LRFN2: variants seen among roughly 807,000 people sequenced by gnomAD.
The protein encoded by LRFN2 is leucine rich repeat and fibronectin type III domain containing 2.
A neutral mutation model predicts 37.3 loss-of-function variants in LRFN2; 18 were observed. That is an observed-to-expected ratio of 0.48 (90% CI 0.33 to 0.72). LRFN2 has a LOEUF of 0.72. LRFN2 is among the 30% of genes least tolerant of loss of function. LRFN2 has a pLI of 0.02. For synonymous variants in LRFN2, 556 were observed against 466.6 expected, an observed-to-expected ratio of 1.19 and a Z score of -2.47; for missense variants, 1,006 against 1,060.7, an observed-to-expected ratio of 0.95 and a Z score of 0.72.
intron 1 of LRFN2, among the ~76,000 whole-genome samples, chr6:40,438,612 G>A (rs893960303): frequency 6.6e-6 from 1 of 152,224 alleles, no homozygotes; most frequent in African/African-American, 2.4e-5. Flanking sequence ...CCCCTCTGGA[G>A]GCTTCCATGT....
intron 1 of LRFN2, among the ~76,000 whole-genome samples, chr6:40,436,039 T>A (rs1025708108): frequency 6.6e-6 from 1 of 152,162 alleles, no homozygotes; most frequent in Non-Finnish European, 1.5e-5. Context: ...CCATATTTTT[T>A]AAAAAAGTAA....
At chr6:40,487,365 A>G (rs1228238212) in intron 1 of LRFN2, among the ~76,000 whole-genome samples, 6 of 152,004 alleles carry the variant, frequency 3.9e-5, no homozygotes. Flanking sequence ...TCACCATTTG[A>G]CTCTCACTGA....
chr6:40,484,445 G>A (rs1004207760), intron 1 of LRFN2, among the ~76,000 whole-genome samples: 6 of 152,194 alleles, frequency 3.9e-5, no homozygotes, highest in African/African-American at 7.2e-5. Flanking sequence ...GGCCTAGGCC[G>A]GTGCCTCTCT....
intron 2 of LRFN2, among the ~76,000 whole-genome samples, chr6:40,420,730 T>A (rs1309660596): frequency 2.0e-5 from 3 of 152,230 alleles, no homozygotes. Context: ...TACAATAAGC[T>A]AGCAGCAAAA....
At chr6:40,459,354 G>A (rs1345094665) in intron 1 of LRFN2, among the ~76,000 whole-genome samples, 1 of 152,236 alleles carries the variant, frequency 6.6e-6, no homozygotes, top group Non-Finnish European at 1.5e-5. Flanking sequence ...GGGACGATGT[G>A]TTCCCCTGGT....
Position 40,432,762 on chromosome 6 carries a change from C to G in LRFN2, c.352G>C (p.Asp118His), listed in dbSNP as rs774122053. 15 of 1,614,066 alleles carry G rather than the reference C, an allele frequency of 9.3e-6. No individual in the cohort carries two copies. The highest frequency in any genetic ancestry group is 1.3e-5 in the Non-Finnish European group (15 of 1,180,042). ...DSNRLPSLGE[D>H]TLRGLVNLQH... ...AGGTTGACCAGGCCCCGGAGGGTGTCCTCCCCAAGGCTTGGCAGCCGATTG... is the reference window on the plus strand; with the variant it reads ...AGGTTGACCAGGCCCCGGAGGGTGTGCTCCCCAAGGCTTGGCAGCCGATTG... The change falls in exon 2 of 3, where the codon GAC becomes CAC. Residue 118 changes from aspartate to histidine, a missense_variant. Asp to His is a moderately conservative substitution (Grantham distance 81). This residue lies in a region of LRFN2 where 185 missense variants were observed against 254.9 expected (regional missense o/e 0.73). Transcript: ENST00000338305.
chr6:40,584,178 C>T (rs1055588621), intron 1 of LRFN2, among the ~76,000 whole-genome samples: 14 of 152,306 alleles, frequency 9.2e-5, no homozygotes, highest in African/African-American at 2.4e-4. Flanking sequence ...CTGTACTATC[C>T]TCCATGTCTC....
At chr6:40,525,719 A>G (rs1766233688) in intron 1 of LRFN2, among the ~76,000 whole-genome samples, 1 of 152,046 alleles carries the variant, frequency 6.6e-6, no homozygotes, top group Non-Finnish European at 1.5e-5. Context: ...CCCTTAGGTC[A>G]GTTGACCCAT....
chr6:40,506,077 G>T (rs1324304495), intron 1 of LRFN2, among the ~76,000 whole-genome samples: 2 of 152,240 alleles, frequency 1.3e-5, no homozygotes, highest in Non-Finnish European at 2.9e-5. Flanking sequence ...GCTTGGAACT[G>T]TCACCATTTC....
At chr6:40,418,960 C>CAGCA (rs1418321897) in intron 2 of LRFN2, among the ~76,000 whole-genome samples, 2 of 152,176 alleles carry the variant, frequency 1.3e-5, no homozygotes, top group African/African-American at 4.8e-5. Context: ...GTCCCAAGAC[C>CAGCA]AGCAGCATCA....
chr6:40,444,849 C>T (rs1165239859), intron 1 of LRFN2, among the ~76,000 whole-genome samples: 1 of 152,110 alleles, frequency 6.6e-6, no homozygotes, highest in East Asian at 1.9e-4. Context: ...TTCTTTTTTC[C>T]TGCTTTGCAA....
chr6:40,434,477 T>C (rs960579186), intron 1 of LRFN2, among the ~76,000 whole-genome samples: 2 of 151,978 alleles, frequency 1.3e-5, no homozygotes, highest in Non-Finnish European at 2.9e-5. Context: ...ATTGCCTTTT[T>C]TTTTCTTTTT....
chr6:40,472,535 G>A (rs1046702883), intron 1 of LRFN2, among the ~76,000 whole-genome samples: 4 of 152,164 alleles, frequency 2.6e-5, no homozygotes, highest in African/African-American at 7.2e-5. Flanking sequence ...ATGACCTTGG[G>A]GGGCCTGTGG....
chr6:40,530,724 G>T (rs1318968437), intron 1 of LRFN2, among the ~76,000 whole-genome samples: 1 of 151,980 alleles, frequency 6.6e-6, no homozygotes, highest in Non-Finnish European at 1.5e-5. Flanking sequence ...CCGCTCTACT[G>T]ATGGCCCTCA....
At chr6:40,395,798 A>G in intron 2 of LRFN2, among the ~76,000 whole-genome samples, 1 of 152,040 alleles carries the variant, frequency 6.6e-6, no homozygotes. Flanking sequence ...AGCTGGGATT[A>G]AATCCCAGGG....
intron 1 of LRFN2, among the ~76,000 whole-genome samples, chr6:40,497,582 ACAT>A (rs530242779): frequency 4.1e-4 from 62 of 152,346 alleles, no homozygotes; most frequent in Non-Finnish European, 7.6e-4. Context: ...ACACAAGGTG[ACAT>A]CATGTCTATG....
intron 1 of LRFN2, among the ~76,000 whole-genome samples, chr6:40,470,023 A>T (rs906240029): frequency 1.3e-5 from 2 of 152,184 alleles, no homozygotes; most frequent in African/African-American, 4.8e-5. Context: ...CTTCCTTTTG[A>T]ATTCCCACTG....
intron 1 of LRFN2, among the ~76,000 whole-genome samples, chr6:40,548,023 T>A (rs1345912309): frequency 6.6e-6 from 1 of 152,216 alleles, no homozygotes; most frequent in African/African-American, 2.4e-5. Context: ...CCAGAAGGCA[T>A]CATCTTTATT....
At chr6:40,567,775 C>T (rs183942907) in intron 1 of LRFN2, among the ~76,000 whole-genome samples, 1 of 152,284 alleles carries the variant, frequency 6.6e-6, no homozygotes, top group African/African-American at 2.4e-5. Flanking sequence ...AGCAGCCTAC[C>T]TTGAGGAGTT....
Sources: gnomAD v4.1 joint callset for allele counts (sites outside exome capture counted in the v4.1 genomes callset) on GRCh38, gnomAD v4.1.1 for gene constraint, gnomAD v4.1.1 regional missense constraint, MANE v1.5 for transcripts, NCBI Gene and HGNC (gene_info 2026-07-23, HGNC 2026-07-21) for gene names.